Variants in KLHL29 observed in about 807,000 individuals in gnomAD.
KLHL29 encodes the protein kelch-like protein 29.
KLHL29 carries 21 observed loss-of-function variants against 80.4 expected under a neutral mutation model. That is an observed-to-expected ratio of 0.26 (90% CI 0.19 to 0.38). KLHL29 has a LOEUF of 0.38. KLHL29 is among the 10% of genes least tolerant of loss of function. KLHL29 has a pLI of 1.00. For synonymous variants in KLHL29, 511 were observed against 526.8 expected, an observed-to-expected ratio of 0.97 and a Z score of 0.41; for missense variants, 867 against 1,223.9, an observed-to-expected ratio of 0.71 and a Z score of 4.35.
chr2:23,526,285 AC>A (rs1307737723), intron 2 of KLHL29, among the ~76,000 whole-genome samples: 3 of 108,088 alleles, frequency 2.8e-5, no homozygotes, highest in Admixed American at 8.8e-5. Flanking sequence ...AGGAAGCGTC[AC>A]AGGGGAGGGG....
chr2:23,397,019 G>A (rs1233965945), intron 1 of KLHL29, among the ~76,000 whole-genome samples: 2 of 152,130 alleles, frequency 1.3e-5, no homozygotes, highest in Non-Finnish European at 2.9e-5. Flanking sequence ...CCAGGTGTCT[G>A]ACAAGGTCTG....
chr2:23,702,861 G>A (rs1050844059), intron 11 of KLHL29, among the ~76,000 whole-genome samples: 11 of 150,036 alleles, frequency 7.3e-5, no homozygotes, highest in South Asian at 2.2e-4. Flanking sequence ...CCAGCATTGC[G>A]GAATGCAAGG....
At chr2:23,471,476 CCAAG>C (rs892507078) in intron 1 of KLHL29, among the ~76,000 whole-genome samples, 14 of 152,268 alleles carry the variant, frequency 9.2e-5, no homozygotes, top group South Asian at 8.3e-4. Context: ...TTGAAGCTCT[CCAAG>C]CATTTAACCC....
intron 1 of KLHL29, among the ~76,000 whole-genome samples, chr2:23,398,662 C>CCATG (rs1371006745): frequency 3.9e-5 from 6 of 152,184 alleles, no homozygotes; most frequent in Non-Finnish European, 7.3e-5. Context: ...AGCCCTTGGG[C>CCATG]CATGTCTCTT....
At chr2:23,467,402 G>A (rs899547243) in intron 1 of KLHL29, among the ~76,000 whole-genome samples, 4 of 152,146 alleles carry the variant, frequency 2.6e-5, no homozygotes, top group African/African-American at 9.7e-5. Context: ...CCTAGTTAAT[G>A]GCATCTTTCT....
At chr2:23,448,677 C>T (rs1432886945) in intron 1 of KLHL29, among the ~76,000 whole-genome samples, 1 of 152,210 alleles carries the variant, frequency 6.6e-6, no homozygotes, top group Non-Finnish European at 1.5e-5. Context: ...ACTCAACCAC[C>T]TTCTGGGGAC....
intron 13 of KLHL29, among the ~76,000 whole-genome samples, chr2:23,704,371 G>T (rs575633725): frequency 4.6e-5 from 7 of 152,234 alleles, no homozygotes; most frequent in Non-Finnish European, 7.3e-5. Flanking sequence ...AGAGGGCTGA[G>T]TGTGGCTCGG....
At chr2:23,518,177 G>C (rs943958400) in intron 2 of KLHL29, among the ~76,000 whole-genome samples, 3 of 152,162 alleles carry the variant, frequency 2.0e-5, no homozygotes, top group African/African-American at 7.2e-5. Context: ...CCCCTCCGTG[G>C]GGACCCAGCC....
At chr2:23,632,379 C>A (rs1426413811) in intron 3 of KLHL29, among the ~76,000 whole-genome samples, 1 of 152,242 alleles carries the variant, frequency 6.6e-6, no homozygotes, top group Non-Finnish European at 1.5e-5. Context: ...CTGAGGGGCC[C>A]ACATGCTCAG....
intron 2 of KLHL29, among the ~76,000 whole-genome samples, chr2:23,488,363 G>A (rs1664990837): frequency 1.3e-5 from 2 of 152,196 alleles, no homozygotes; most frequent in South Asian, 4.1e-4. Flanking sequence ...GCCGTCTCTG[G>A]GCATCCCCCG....
chr2:23,403,774 A>C (rs1391123413), intron 1 of KLHL29, among the ~76,000 whole-genome samples: 1 of 149,844 alleles, frequency 6.7e-6, no homozygotes, highest in Admixed American at 6.7e-5. Context: ...TGCAGGCGCA[A>C]AAGACAGGGA....
chr2:23,402,731 C>A (rs1202910097), intron 1 of KLHL29, among the ~76,000 whole-genome samples: 1 of 152,158 alleles, frequency 6.6e-6, no homozygotes, highest in Non-Finnish European at 1.5e-5. Context: ...TAAAACATTT[C>A]TATGGATATT....
At chr2:23,623,233 G>A (rs549506490) in intron 3 of KLHL29, among the ~76,000 whole-genome samples, 9 of 152,114 alleles carry the variant, frequency 5.9e-5, no homozygotes, top group Admixed American at 2.6e-4. Flanking sequence ...AGGTTCCAAC[G>A]GACCCGACTC....
intron 5 of KLHL29, among the ~76,000 whole-genome samples, chr2:23,679,253 G>A (rs1671009452): frequency 6.6e-6 from 1 of 151,810 alleles, no homozygotes; most frequent in African/African-American, 2.4e-5. Flanking sequence ...TTGTGATCCT[G>A]GTTTAGCAGT....
intron 5 of KLHL29, among the ~76,000 whole-genome samples, chr2:23,675,172 C>G (rs1670886311): frequency 6.6e-6 from 1 of 152,224 alleles, no homozygotes; most frequent in African/African-American, 2.4e-5. Flanking sequence ...ATATTCCCAT[C>G]ACCCCTCGGC....
chr2:23,562,345 G>A lies in KLHL29; in HGVS notation c.149G>A (p.Arg50Gln), dbSNP rs1038651493. The A allele has an allele frequency of 3.0e-5, 46 of 1,543,968 alleles. 1 individual carries two copies. In the South Asian group the frequency reaches 3.9e-4, roughly 13 times the overall value. The change falls in exon 3 of 14, where the codon CGG becomes CAG. Residue 50 changes from arginine (R) to glutamine (Q), a missense_variant. Physicochemically the swap from Arg to Gln is conservative, Grantham distance 43. This residue lies in a region of KLHL29 where 424 missense variants were observed against 456.9 expected (regional missense o/e 0.93). Coordinates refer to ENST00000486442, the MANE Select transcript of KLHL29 (RefSeq NM_052920.2). This position sits in a 1 kb window ranked among gnomAD's most constrained non-coding sequence, Gnocchi z 4.5. ...GGGTASSLSV[R>Q]PGLLPLPVVP... Reference sequence around the variant, plus strand: ...GGCACAGCCAGCAGCCTCAGCGTCCGGCCCGGCCTCCTGCCGCTGCCCGTG... The same window carrying A: ...GGCACAGCCAGCAGCCTCAGCGTCCAGCCCGGCCTCCTGCCGCTGCCCGTG...
intron 5 of KLHL29, among the ~76,000 whole-genome samples, chr2:23,659,779 T>C (rs952668668): frequency 2.6e-5 from 4 of 151,878 alleles, no homozygotes; most frequent in African/African-American, 9.7e-5. Flanking sequence ...AGCCAGGCCC[T>C]CCTCCAGGCC....
At chr2:23,508,609 A>G (rs1665674549) in intron 2 of KLHL29, among the ~76,000 whole-genome samples, 1 of 152,234 alleles carries the variant, frequency 6.6e-6, no homozygotes, top group African/African-American at 2.4e-5. Context: ...TCGAGGTTCT[A>G]GAAGAACTTG....
intron 1 of KLHL29, among the ~76,000 whole-genome samples, chr2:23,468,112 C>T (rs1438124846): frequency 6.6e-6 from 1 of 152,230 alleles, no homozygotes; most frequent in South Asian, 2.1e-4. Context: ...ACTCTCAGAA[C>T]AACCATCGAT....
Sources: allele counts gnomAD v4.1 joint callset (sites outside exome capture counted in the v4.1 genomes callset), GRCh38; gene constraint gnomAD v4.1.1; regional missense constraint gnomAD v4.1.1; non-coding constraint Gnocchi (gnomAD v3.1); transcripts MANE v1.5; gene names NCBI Gene and HGNC (gene_info 2026-07-23, HGNC 2026-07-21).